The following DNMT1 variants were observed in gnomAD, a reference collection of about 807,000 sequenced individuals.
DNMT1 encodes DNA methyltransferase 1.
A neutral mutation model predicts 205.3 loss-of-function variants in DNMT1; 24 were observed. The ratio of observed to expected loss-of-function variants is 0.12; its 90% CI spans 0.08 to 0.16. The LOEUF (loss-of-function observed/expected upper bound fraction) is 0.16. DNMT1 is among the 10% of genes least tolerant of loss of function. The pLI is 1.00. For synonymous variants in DNMT1, 817 were observed against 839.8 expected, an observed-to-expected ratio of 0.97 and a Z score of 0.47; for missense variants, 1,293 against 2,177.7, an observed-to-expected ratio of 0.59 and a Z score of 8.09.
intron 39 of DNMT1, among the ~76,000 whole-genome samples, chr19:10,134,587 C>T (rs1465884882): frequency 6.6e-6 from 1 of 152,246 alleles, no homozygotes. Context: ...GGAGCAGTGG[C>T]TCACGCCTGT....
At chr19:10,165,903 C>T (rs561895037) in intron 11 of DNMT1, among the ~76,000 whole-genome samples, 1 of 152,266 alleles carries the variant, frequency 6.6e-6, no homozygotes, top group East Asian at 1.9e-4. Flanking sequence ...GATGGAAGCC[C>T]ACTGGCGACC....
At chr19:10,142,494 A>C (rs1434945161) in intron 29 of DNMT1, among the ~76,000 whole-genome samples, 1 of 147,790 alleles carries the variant, frequency 6.8e-6, no homozygotes, top group African/African-American at 2.5e-5. Context: ...AGATCCCCCA[A>C]GTTAGGGAAT....
At position 10,139,456 on chromosome 19, in the gene DNMT1, C is replaced by T. The variant is rs115310241; in HGVS notation, c.3948+220G>A. Among the ~76,000 whole-genome samples the T allele has an allele frequency of 6.4e-3, 982 of 152,342 alleles. 10 individuals carry two copies. Among genetic ancestry groups the T allele is most frequent in the African/African-American group, 0.023 (939 of 41,572 alleles). ...TGTAGCCAGCCCTCCCAGGCATGTT[C>T]GAGAACACAGCTCAAGAGACACTAG... On this transcript the variant is annotated intron_variant, in intron 34 of 40. Transcript: ENST00000359526.
At chr19:10,162,999 C>T (rs555078689) in intron 12 of DNMT1, 4 of 530,374 alleles carry the variant, frequency 7.5e-6, no homozygotes, top group Admixed American at 7.1e-5. Flanking sequence ...CAGAGTTTCA[C>T]TCTTGTCCAG....
intron 10 of DNMT1, 82 bp from the exon 11 acceptor site, chr19:10,166,767 C>T (rs992323456): frequency 4.1e-6 from 6 of 1,450,380 alleles, no homozygotes; most frequent in Non-Finnish European, 5.8e-6. Flanking sequence ...TAAGGGCTGA[C>T]ACAAGCTCCT....
At chr19:10,152,261 T>C (rs567194340) in intron 22 of DNMT1, among the ~76,000 whole-genome samples, 11 of 115,730 alleles carry the variant, frequency 9.5e-5, no homozygotes, top group Admixed American at 2.9e-4. Flanking sequence ...CTTTTAGGTC[T>C]CAAAAAATTA....
chr19:10,190,404 A>G (rs917146437), intron 1 of DNMT1, among the ~76,000 whole-genome samples: 6 of 152,098 alleles, frequency 3.9e-5, no homozygotes, highest in Non-Finnish European at 8.8e-5. Flanking sequence ...TGCGGGATAC[A>G]CCGACAAAAT....
chr19:10,154,281 A>G lies in DNMT1; in HGVS notation c.2019+12T>C. 1 of 1,613,524 alleles carries G rather than the reference A, an allele frequency of 6.2e-7. No individual in the cohort carries two copies. Among genetic ancestry groups the G allele is most frequent in the Non-Finnish European group, 8.5e-7 (1 of 1,179,432 alleles). On this transcript the variant is annotated intron_variant, in intron 22 of 40. Transcript: ENST00000359526. This position sits in a 1 kb window ranked among gnomAD's most constrained non-coding sequence, Gnocchi z 6.3. ...ACCTTAGGGGAGCGGGAGCACCCAC[A>G]GGTGAGGTTACCTCACAGACGCCAC...
At position 10,154,969 on chromosome 19, in the gene DNMT1, A is replaced by G. The variant is rs2045740213; in HGVS notation, c.1580T>C (p.Ile527Thr). The G allele has an allele frequency of 6.2e-7, 1 of 1,614,158 alleles. No individual in the cohort carries two copies. The highest frequency in any genetic ancestry group is 8.5e-7 in the Non-Finnish European group (1 of 1,180,024). ...LMQEKIYISK[I>T]VVEFLQSNSD... The stretch of plus-strand genomic sequence containing the variant: ...ATTGCTCTGCAGGAACTCCACCACA[A>G]TCTTGCTGATGTAGATCTTCTCCTG... The change falls in exon 20 of 41, where the codon ATT becomes ACT. Residue 527 changes from isoleucine (I) to threonine (T), a missense_variant. Transcript: ENST00000359526. This position sits in a 1 kb window ranked among gnomAD's most constrained non-coding sequence, Gnocchi z 6.3.
intron 34 of DNMT1, 135 bp downstream of exon 34, chr19:10,139,541 G>C (rs1429819232): frequency 3.4e-6 from 5 of 1,456,318 alleles, no homozygotes; most frequent in Non-Finnish European, 4.6e-6. Context: ...CAGTGGGACA[G>C]AGCACCATGC....
chr19:10,146,193 C>G lies in DNMT1; in HGVS notation c.2894+158G>C, dbSNP rs562468963. On this transcript the variant is annotated intron_variant, in intron 28 of 40. Transcript: ENST00000359526. This position sits in a 1 kb window ranked among gnomAD's most constrained non-coding sequence, Gnocchi z 4.4. ...GCAATAGCATCATGGTCAGTCTACA[C>G]GATTTATGTTGTCTGTTTGCCACCT... Among the ~76,000 whole-genome samples, 14 of 152,282 alleles carry G rather than the reference C, an allele frequency of 9.2e-5. 1 individual carries two copies. The South Asian group carries it at 2.9e-3, about 32-fold the overall frequency.
At chr19:10,155,404 C>A (rs530662461) in intron 19 of DNMT1, among the ~76,000 whole-genome samples, 179 of 151,814 alleles carry the variant, frequency 1.2e-3, no homozygotes, top group Non-Finnish European at 2.2e-3. Context: ...GTGGCGTGAT[C>A]TCGGCTCACT....
intron 1 of DNMT1, among the ~76,000 whole-genome samples, chr19:10,192,133 A>C (rs946413468): frequency 1.3e-5 from 2 of 151,962 alleles, no homozygotes; most frequent in African/African-American, 4.8e-5. Flanking sequence ...CTTCTAAAAA[A>C]TTTTTTAAGG....
At chr19:10,149,373 A>C in intron 26 of DNMT1, 80 bp downstream of exon 26, 2 of 1,526,768 alleles carry the variant, frequency 1.3e-6, no homozygotes, top group South Asian at 1.2e-5. Context: ...AAAAAATACA[A>C]ATCAAAACAA....
chr19:10,148,116 C>CAAAAAAAAAAAA (rs35310173), intron 27 of DNMT1, among the ~76,000 whole-genome samples: 7 of 59,270 alleles, frequency 1.2e-4, no homozygotes, highest in African/African-American at 2.2e-4. Context: ...AACTCTGTCT[C>CAAAAAAAAAAAA]AAAAAAAAAA....
At chr19:10,184,126 G>T (rs1397182862) in intron 1 of DNMT1, among the ~76,000 whole-genome samples, 1 of 152,154 alleles carries the variant, frequency 6.6e-6, no homozygotes, top group Non-Finnish European at 1.5e-5. Context: ...CCTACAGCTG[G>T]TCTTTCTCCA....
In DNMT1 at chr19:10,156,538, C is replaced by T. The variant is rs762902381; in HGVS notation, c.1281-29G>A. 1.3e-6 allele frequency: 2 copies of T among 1,572,980 alleles called. No individual in the cohort carries two copies. The highest frequency in any genetic ancestry group is 2.2e-5 in the East Asian group (1 of 44,508). ...GACAGGAAACAAAGCACATGCTTAC[C>T]AGCTAAGCCGTGAAGGCGGGTCTTC... On this transcript the variant is annotated intron_variant, in intron 17 of 40. Coordinates refer to ENST00000359526, the MANE Select transcript of DNMT1 (RefSeq NM_001130823.3). The surrounding 1 kb of genome is among the most constrained non-coding windows in gnomAD (Gnocchi z 4.2).
At chr19:10,162,437 T>G (rs972700809) in intron 13 of DNMT1, among the ~76,000 whole-genome samples, 1 of 151,446 alleles carries the variant, frequency 6.6e-6, no homozygotes, top group South Asian at 2.1e-4. Flanking sequence ...GCCCAGATAA[T>G]TTTTGTATTT....
At chr19:10,144,994 C>T (rs185165704) in intron 28 of DNMT1, among the ~76,000 whole-genome samples, 7 of 152,346 alleles carry the variant, frequency 4.6e-5, no homozygotes, top group African/African-American at 1.7e-4. Context: ...CCACCGCACC[C>T]AGTCCAGCTT....
Sources: gnomAD v4.1 joint callset for allele counts (sites outside exome capture counted in the v4.1 genomes callset) on GRCh38, gnomAD v4.1.1 for gene constraint, Gnocchi (gnomAD v3.1) non-coding constraint, MANE v1.5 for transcripts, NCBI Gene and HGNC (gene_info 2026-07-23, HGNC 2026-07-21) for gene names.